The following LPP variants were observed in gnomAD, a reference collection of about 807,000 sequenced individuals.
LPP encodes the protein lipoma-preferred partner.
LPP carries 38 observed loss-of-function variants against 60.4 expected under a neutral mutation model. The observed-to-expected ratio is 0.63, with a 90% CI of 0.49 to 0.83. The LOEUF (loss-of-function observed/expected upper bound fraction) is 0.83, where lower values mean the gene tolerates loss of function less well. LPP is among the 40% of genes least tolerant of loss of function. LPP has a pLI of 0.00. For synonymous variants in LPP, 328 were observed against 290.8 expected, an observed-to-expected ratio of 1.13 and a Z score of -1.30; for missense variants, 902 against 783.6, an observed-to-expected ratio of 1.15 and a Z score of -1.80.
intron 2 of LPP, among the ~76,000 whole-genome samples, chr3:188,297,045 G>A (rs1748148129): frequency 6.6e-6 from 1 of 152,136 alleles, no homozygotes; most frequent in East Asian, 1.9e-4. Flanking sequence ...TCCTTTAGGG[G>A]AAAAAAGTGG....
intron 8 of LPP, among the ~76,000 whole-genome samples, chr3:188,742,486 A>C (rs77257497): frequency 0.015 from 2,226 of 152,248 alleles, 55 homozygotes; most frequent in African/African-American, 0.049. Context: ...TAATATGCAC[A>C]AATACATGAA....
chr3:188,800,055 T>A (rs1234140703), intron 9 of LPP, among the ~76,000 whole-genome samples: 1 of 152,118 alleles, frequency 6.6e-6, no homozygotes, highest in Non-Finnish European at 1.5e-5. Context: ...ATGCTTGATA[T>A]ATTTCTAAAA....
intron 8 of LPP, among the ~76,000 whole-genome samples, chr3:188,741,836 TA>T (rs769767691): frequency 1.3e-5 from 2 of 151,936 alleles, no homozygotes; most frequent in Non-Finnish European, 2.9e-5. Flanking sequence ...AAAGACACCA[TA>T]ACAAATGAAA....
intron 4 of LPP, among the ~76,000 whole-genome samples, chr3:188,479,099 T>C (rs1023818428): frequency 1.3e-5 from 2 of 152,206 alleles, no homozygotes; most frequent in African/African-American, 2.4e-5. Context: ...TTGAAACTTA[T>C]GCTTTGCTAA....
intron 4 of LPP, among the ~76,000 whole-genome samples, chr3:188,434,308 G>T (rs1452654113): frequency 2.0e-5 from 3 of 151,930 alleles, no homozygotes; most frequent in Non-Finnish European, 4.4e-5. Context: ...TTCATATATA[G>T]ATATATATAT....
At chr3:188,224,722 AG>A (rs963017437) in intron 1 of LPP, among the ~76,000 whole-genome samples, 10 of 152,134 alleles carry the variant, frequency 6.6e-5, no homozygotes, top group African/African-American at 2.4e-4. Context: ...GAGAGGGAGT[AG>A]GCAGAGGAGT....
At chr3:188,782,732 T>C (rs1740215762) in intron 9 of LPP, among the ~76,000 whole-genome samples, 1 of 148,720 alleles carries the variant, frequency 6.7e-6, no homozygotes, top group South Asian at 2.2e-4. Flanking sequence ...CAGCTGAATG[T>C]TGCTGGGAAA....
chr3:188,393,028 A>AT (rs10719384), intron 3 of LPP, among the ~76,000 whole-genome samples: 80 of 148,846 alleles, frequency 5.4e-4, no homozygotes, highest in Middle Eastern at 3.6e-3. Flanking sequence ...TTTTAGACAC[A>AT]TTTTTTTTTT....
rs375768606 is a variant in LPP, at chr3:188,637,611, C to T, written c.1113+27767C>T. On this transcript the variant is annotated intron_variant, in intron 7 of 11. Transcript: ENST00000617246. ...GAAAGGATCAACAAAATTGATAGAC[C>T]GCTAGCAAGACTAATAAAGAAAAAA... 4.8e-4 allele frequency among the ~76,000 whole-genome samples: 73 copies of T among 151,244 alleles called. No homozygotes were observed. The South Asian group carries it at 0.013, about 27-fold the overall frequency.
Position 188,878,458 on chromosome 3 carries a change from C to G in LPP, c.*3979C>G. On this transcript the variant is annotated 3_prime_UTR_variant, in exon 12 of 12. Transcript: ENST00000617246. The stretch of plus-strand genomic sequence containing the variant: ...AAACAAGCGATTGTCCATCTGTTGC[C>G]TAGAGCTATAGTACATGTGTGTTAT... 4.7e-6 allele frequency: 1 copy of G among 214,674 alleles called. No individual in the cohort carries two copies. The highest frequency in any genetic ancestry group is 6.9e-5 in the East Asian group (1 of 14,402). The allele number at this position is 214,674 out of a possible 1,614,324, so 13.3% of individuals were successfully genotyped here. A position where few individuals can be genotyped will look rare whatever the true frequency, so the allele number is the denominator to read the frequency against.
chr3:188,319,747 A>G (rs1756387921), intron 2 of LPP, among the ~76,000 whole-genome samples: 2 of 152,214 alleles, frequency 1.3e-5, no homozygotes, highest in South Asian at 2.1e-4. Flanking sequence ...TAACCAAAGT[A>G]TGTTTAAGCA....
intron 9 of LPP, among the ~76,000 whole-genome samples, chr3:188,826,207 A>G (rs963345225): frequency 6.6e-6 from 1 of 152,186 alleles, no homozygotes; most frequent in Admixed American, 6.5e-5. Context: ...AGAGAAGCCT[A>G]CGCTTTCCTA....
intron 4 of LPP, among the ~76,000 whole-genome samples, chr3:188,440,279 TC>T (rs1793445561): frequency 1.3e-5 from 2 of 152,214 alleles, no homozygotes; most frequent in African/African-American, 2.4e-5. Flanking sequence ...TTCAGTGTCC[TC>T]TTTCGTAAAA....
chr3:188,653,050 T>C (rs1015008817), intron 7 of LPP, among the ~76,000 whole-genome samples: 2 of 152,220 alleles, frequency 1.3e-5, no homozygotes, highest in African/African-American at 4.8e-5. Context: ...CCACTGCCAA[T>C]TCTTGCCTCA....
chr3:188,416,112 A>AAT (rs397705316), intron 4 of LPP, among the ~76,000 whole-genome samples: 6 of 151,436 alleles, frequency 4.0e-5, no homozygotes, highest in Non-Finnish European at 7.4e-5. Context: ...TTAAAAAAAA[A>AAT]TTAATAATAG....
At position 188,882,593 on chromosome 3, in the gene LPP, G is replaced by A. The variant is rs970126604; in HGVS notation, c.*8114G>A. 1.4e-5 allele frequency: 3 copies of A among 221,186 alleles called. No homozygotes were observed. The highest frequency in any genetic ancestry group is 4.5e-5 in the African/African-American group (2 of 44,560). The allele number at this position is 221,186 out of a possible 1,614,324, so 13.7% of individuals were successfully genotyped here. On this transcript the variant is annotated 3_prime_UTR_variant, in exon 12 of 12. Transcript: ENST00000617246. Reference sequence around the variant, plus strand: ...CTACATCTTCTATTCTTGCAGCAAGGGTACATGTCCTTTGACCCTCCACAA... The same window carrying A: ...CTACATCTTCTATTCTTGCAGCAAGAGTACATGTCCTTTGACCCTCCACAA...
chr3:188,640,281 C>T (rs558451151), intron 7 of LPP, among the ~76,000 whole-genome samples: 1 of 150,058 alleles, frequency 6.7e-6, no homozygotes, highest in Non-Finnish European at 1.5e-5. Context: ...AAAAACCAAA[C>T]ACCACATATT....
chr3:188,658,137 G>GT (rs375100095), intron 7 of LPP, among the ~76,000 whole-genome samples: 1,593 of 146,102 alleles, frequency 0.011, 24 homozygotes, highest in African/African-American at 0.025. Flanking sequence ...TTTAGTTTAG[G>GT]TTAGTTTAGT....
chr3:188,521,764 T>C (rs1818933705), intron 5 of LPP, among the ~76,000 whole-genome samples: 1 of 152,162 alleles, frequency 6.6e-6, no homozygotes, highest in East Asian at 1.9e-4. Flanking sequence ...ATTCTCTTCA[T>C]TTTATAGATG....
Sources: gnomAD v4.1 joint callset for allele counts (sites outside exome capture counted in the v4.1 genomes callset) on GRCh38, gnomAD v4.1.1 for gene constraint, MANE v1.5 for transcripts, NCBI Gene and HGNC (gene_info 2026-07-23, HGNC 2026-07-21) for gene names.